TIAM2: variants seen among roughly 807,000 people sequenced by gnomAD.
TIAM2 encodes the protein rho guanine nucleotide exchange factor TIAM2.
In TIAM2, 80 loss-of-function variants were observed where a neutral mutation model predicts 152.9. The ratio of observed to expected loss-of-function variants is 0.52; its 90% CI spans 0.44 to 0.63. The LOEUF (loss-of-function observed/expected upper bound fraction) is 0.63, where lower values mean the gene tolerates loss of function less well. Among genes scored for constraint, TIAM2 ranks in the 30% least tolerant of loss-of-function variants. The probability of loss-of-function intolerance (pLI) is 0.00; values close to 1 mark genes in which losing one functional copy is unlikely to be tolerated. For synonymous variants in TIAM2, 804 were observed against 838.0 expected, an observed-to-expected ratio of 0.96 and a Z score of 0.70; for missense variants, 1,965 against 2,120.1, an observed-to-expected ratio of 0.93 and a Z score of 1.44.
chr6:155,187,573 C>CCTTTTTT (rs1189509294), intron 14 of TIAM2, among the ~76,000 whole-genome samples: 38 of 49,632 alleles, frequency 7.7e-4, no homozygotes, highest in East Asian at 2.0e-3. Flanking sequence ...ACCCCGCCCC[C>CCTTTTTT]TTTTTTTTTT....
At chr6:155,230,659 G>A (rs1023270696) in intron 15 of TIAM2, among the ~76,000 whole-genome samples, 5 of 151,724 alleles carry the variant, frequency 3.3e-5, no homozygotes, top group African/African-American at 4.8e-5. Flanking sequence ...AAATTCAACC[G>A]CTATAAAAAA....
At chr6:155,147,172 T>G (rs1266005233) in intron 6 of TIAM2, among the ~76,000 whole-genome samples, 1 of 70,640 alleles carries the variant, frequency 1.4e-5, no homozygotes, top group Non-Finnish European at 2.5e-5. Context: ...TTATTTACAT[T>G]GTTCTTTTTT....
chr6:155,139,394 C>A (rs1779637756), intron 5 of TIAM2, among the ~76,000 whole-genome samples: 1 of 152,220 alleles, frequency 6.6e-6, no homozygotes, highest in South Asian at 2.1e-4. Context: ...TCACACGCTG[C>A]AGTCCTCTTT....
At position 155,057,541 on chromosome 6, in the gene TIAM2, C is replaced by CTTTTT. The variant is rs71023613; in HGVS notation, c.-208-32729_-208-32725dup. ...TTACTCTTTTTCTTTCCATAATGTA[C>CTTTTT]TTTTTTTTTTTTTTTTTTTTTTTGA... On this transcript the variant is annotated intron_variant, in intron 1 of 26. Coordinates refer to ENST00000682666, the MANE Select transcript of TIAM2 (RefSeq NM_012454.4). Among the ~76,000 whole-genome samples the CTTTTT allele has an allele frequency of 5.9e-3, 474 of 80,034 alleles. 55 individuals carry two copies. The highest frequency in any genetic ancestry group is 0.023 in the African/African-American group (413 of 18,080). 52.5% of individuals were successfully genotyped at this position (80,034 alleles called of 152,430 possible). A position where few individuals can be genotyped will look rare whatever the true frequency, so the allele number is the denominator to read the frequency against.
At chr6:155,095,539 G>C (rs1778400803) in intron 2 of TIAM2, among the ~76,000 whole-genome samples, 1 of 152,128 alleles carries the variant, frequency 6.6e-6, no homozygotes, top group Non-Finnish European at 1.5e-5. Context: ...CTATCAACTG[G>C]TTATTTACTG....
At chr6:155,019,181 C>T (rs1323254322) in intron 1 of TIAM2, among the ~76,000 whole-genome samples, 2 of 151,374 alleles carry the variant, frequency 1.3e-5, no homozygotes, top group Admixed American at 6.6e-5. Context: ...ACTAAAAATA[C>T]AAAAAAATTA....
intron 2 of TIAM2, among the ~76,000 whole-genome samples, chr6:155,114,290 A>G (rs1040424142): frequency 6.6e-6 from 1 of 151,646 alleles, no homozygotes; most frequent in Non-Finnish European, 1.5e-5. Flanking sequence ...CCTAATCTCA[A>G]GTGATCCTCC....
intron 14 of TIAM2, among the ~76,000 whole-genome samples, chr6:155,196,443 G>A (rs1045885420): frequency 6.6e-6 from 1 of 152,096 alleles, no homozygotes; most frequent in African/African-American, 2.4e-5. Flanking sequence ...AAAGAGAAAG[G>A]GGGGAAATTT....
intron 1 of TIAM2, among the ~76,000 whole-genome samples, chr6:155,049,770 A>G (rs1235151265): frequency 1.3e-5 from 2 of 149,720 alleles, no homozygotes; most frequent in Non-Finnish European, 2.9e-5. Context: ...TTCATTTAAA[A>G]CTTTCCTTTT....
chr6:155,169,290 G>A (rs867433023), intron 9 of TIAM2, among the ~76,000 whole-genome samples: 1 of 152,060 alleles, frequency 6.6e-6, no homozygotes, highest in African/African-American at 2.4e-5. Flanking sequence ...CACAGCACCC[G>A]GCCACAAATG....
chr6:155,111,312 C>CAT (rs1778842700), intron 2 of TIAM2, among the ~76,000 whole-genome samples: 1 of 111,370 alleles, frequency 9.0e-6, no homozygotes, highest in Non-Finnish European at 1.8e-5. Context: ...CACACACACA[C>CAT]ACACACACAC....
intron 1 of TIAM2, among the ~76,000 whole-genome samples, chr6:155,009,330 G>A (rs922109392): frequency 6.6e-6 from 1 of 151,992 alleles, no homozygotes; most frequent in Non-Finnish European, 1.5e-5. Flanking sequence ...TTGAACTCCT[G>A]AACTCAGGTG....
intron 14 of TIAM2, among the ~76,000 whole-genome samples, chr6:155,205,080 C>G (rs1317756952): frequency 2.0e-5 from 3 of 151,080 alleles, no homozygotes; most frequent in Non-Finnish European, 4.4e-5. Flanking sequence ...AAACACCTCC[C>G]AGTAAGTCTA....
intron 1 of TIAM2, among the ~76,000 whole-genome samples, chr6:155,055,840 G>A (rs1270486332): frequency 6.6e-6 from 1 of 150,378 alleles, no homozygotes; most frequent in Non-Finnish European, 1.5e-5. Flanking sequence ...GTGCATGCCT[G>A]TATCCTAGCT....
intron 7 of TIAM2, among the ~76,000 whole-genome samples, chr6:155,149,377 T>A (rs1349218801): frequency 6.6e-6 from 1 of 152,196 alleles, no homozygotes; most frequent in African/African-American, 2.4e-5. Flanking sequence ...GAATGAGGAA[T>A]GGGATGAAGA....
chr6:155,093,220 A>C (rs1778342189), intron 2 of TIAM2, among the ~76,000 whole-genome samples: 1 of 152,188 alleles, frequency 6.6e-6, no homozygotes, highest in Admixed American at 6.6e-5. Flanking sequence ...TACAGTTCAA[A>C]GAGGATTGCT....
rs112115819 is a variant in TIAM2, at chr6:155,201,179, C to T, written c.3065-10025C>T. On this transcript the variant is annotated intron_variant, in intron 14 of 26. Transcript: ENST00000682666. ...TTTATGGCTGAATAATATTCAATTT[C>T]GCCTTCTTTTAATCCAAGAGAACCG... Among the ~76,000 whole-genome samples, 640 of 152,240 alleles carry T rather than the reference C, an allele frequency of 4.2e-3. 3 individuals are homozygous for T. The highest frequency in any genetic ancestry group is 0.015 in the African/African-American group (618 of 41,532).
intron 2 of TIAM2, among the ~76,000 whole-genome samples, chr6:155,125,733 G>C (rs1233304535): frequency 1.3e-5 from 2 of 151,960 alleles, no homozygotes; most frequent in African/African-American, 4.8e-5. Flanking sequence ...AGCTACTTGA[G>C]AGGCTGAGGC....
intron 1 of TIAM2, among the ~76,000 whole-genome samples, chr6:155,017,955 T>C (rs971580828): frequency 1.3e-5 from 2 of 152,210 alleles, no homozygotes; most frequent in African/African-American, 2.4e-5. Context: ...TGAGGTGTGC[T>C]GTGAGTGTAA....
Sources: allele counts gnomAD v4.1 joint callset (sites outside exome capture counted in the v4.1 genomes callset), GRCh38; gene constraint gnomAD v4.1.1; transcripts MANE v1.5; gene names NCBI Gene and HGNC (gene_info 2026-07-23, HGNC 2026-07-21).